MYOM1: variants seen among roughly 807,000 people sequenced by gnomAD.
The protein encoded by MYOM1 is myomesin-1.
A neutral mutation model predicts 205.3 loss-of-function variants in MYOM1; 164 were observed. The observed-to-expected ratio is 0.80, with a 90% CI of 0.70 to 0.91. The LOEUF (loss-of-function observed/expected upper bound fraction) is 0.91. Ranked by LOEUF, MYOM1 falls within the 40% of genes least tolerant of loss-of-function variation. The pLI is 0.00. For missense variants in MYOM1, 2,011 were observed against 2,127.3 expected (o/e 0.95, Z 1.08); for synonymous variants, 772 against 789.4 (o/e 0.98, Z 0.37).
chr18:3,174,144 C>T lies in MYOM1; in HGVS notation c.1087G>A (p.Ala363Thr). 1 of 1,614,046 alleles carries T rather than the reference C, an allele frequency of 6.2e-7. No individual in the cohort carries two copies. Among genetic ancestry groups the T allele is most frequent in the Non-Finnish European group, 8.5e-7 (1 of 1,179,902 alleles). ...SAMNVKGELS[A>T]YASVVVKRYK... ...CTTTTTACCACAACTGAAGCATATGCCGAAAGCTCTCCTTTAACATTCATC... is the reference window on the plus strand; with the variant it reads ...CTTTTTACCACAACTGAAGCATATGTCGAAAGCTCTCCTTTAACATTCATC... The change falls in exon 7 of 38, where the codon GCA (alanine) becomes ACA (threonine). Residue 363 changes from alanine (A) to threonine (T), a missense_variant. By Grantham distance (58) the Ala-to-Thr change is moderately conservative. Transcript: ENST00000356443.
At chr18:3,149,350 GTAGA>G in intron 12 of MYOM1, 149 bp from the exon 13 acceptor site, 1 of 620,852 alleles carries the variant, frequency 1.6e-6, no homozygotes, top group Non-Finnish European at 2.8e-6. Flanking sequence ...TATCAATCAT[GTAGA>G]GGGCACTGTG....
At position 3,148,903 on chromosome 18, in the gene MYOM1, A is replaced by G. The variant is rs372488354; in HGVS notation, c.1900+242T>C. On this transcript the variant is annotated intron_variant, in intron 13 of 37. Coordinates refer to ENST00000356443, the MANE Select transcript of MYOM1 (RefSeq NM_003803.4). Reference sequence around the variant, plus strand: ...TGGTGATGGTTTCATGGGTATATACATGTGTAAAATTTATCAAATTGTACA... The same window carrying G: ...TGGTGATGGTTTCATGGGTATATACGTGTGTAAAATTTATCAAATTGTACA... Among the ~76,000 whole-genome samples, 75 of 151,368 alleles carry G rather than the reference A, an allele frequency of 5.0e-4. 1 individual carries two copies. In the South Asian group the frequency reaches 0.014, roughly 28 times the overall value.
chr18:3,070,237 C>A (rs1174377947), intron 37 of MYOM1, among the ~76,000 whole-genome samples: 1 of 152,154 alleles, frequency 6.6e-6, no homozygotes, highest in African/African-American at 2.4e-5. Context: ...CAGCTTTGAC[C>A]TCCTGGGCTC....
rs1380869592 is a variant in MYOM1, at chr18:3,069,522, A to C, written c.4765-1967T>G. On this transcript the variant is annotated intron_variant, in intron 37 of 37. Transcript: ENST00000356443. ...TTAAGAAATCTGTTTTTCTCCCATC[A>C]CTAATTAATATTTCTTACTGAATTA... Among the ~76,000 whole-genome samples, 3 of 152,184 alleles carry C rather than the reference A, an allele frequency of 2.0e-5. No individual in the cohort carries two copies. In the East Asian group the frequency reaches 5.8e-4, roughly 29 times the overall value.
intron 5 of MYOM1, among the ~76,000 whole-genome samples, chr18:3,181,969 G>C (rs1166704440): frequency 6.6e-6 from 1 of 152,054 alleles, no homozygotes; most frequent in African/African-American, 2.4e-5. Flanking sequence ...CTGGACCTCA[G>C]GTAATCCGCC....
Position 3,126,578 on chromosome 18 carries a change from A to G in MYOM1, c.2991+123T>C, listed in dbSNP as rs28622195. The G allele has an allele frequency of 0.2, 163,319 of 833,030 alleles. 16,935 individuals carry two copies. Among genetic ancestry groups the G allele is most frequent in the African/African-American group, 0.23 (13,577 of 58,124 alleles). The allele number at this position is 833,030 out of a possible 1,614,324, so 51.6% of individuals were successfully genotyped here. A position where few individuals can be genotyped will look rare whatever the true frequency, so the allele number is the denominator to read the frequency against. On this transcript the variant is annotated intron_variant, in intron 19 of 37. Coordinates refer to ENST00000356443, the MANE Select transcript of MYOM1 (RefSeq NM_003803.4). ...TTTTTCACAAGACTCATGCCACTGC[A>G]GACAATGGACTCTGGAGAAATGACG...
chr18:3,137,222 T>G (rs1229344818), intron 14 of MYOM1, among the ~76,000 whole-genome samples: 1 of 152,224 alleles, frequency 6.6e-6, no homozygotes, highest in Non-Finnish European at 1.5e-5. Context: ...GTGCTGGGAT[T>G]ACAGGCGTGA....
chr18:3,141,939 C>A lies in MYOM1; in HGVS notation c.2025G>T (p.Lys675Asn). Reference sequence around the variant, plus strand: ...GGTCATGTTGATTCTAGAGTCTTACCTTTTCCACAAAGTACATAATGCCCT... The same window carrying A: ...GGTCATGTTGATTCTAGAGTCTTACATTTTCCACAAAGTACATAATGCCCT... ...GHEGIMYFVE[K>N]CEAGTENWQR... The change falls in exon 14 of 38, where the codon AAG becomes AAT. Residue 675 changes from lysine to asparagine, a missense_variant and splice_region_variant. Lys to Asn is a moderately conservative substitution (Grantham distance 94). Transcript: ENST00000356443. 6.2e-7 allele frequency: 1 copy of A among 1,613,614 alleles called. No individual in the cohort carries two copies. The highest frequency in any genetic ancestry group is 8.5e-7 in the Non-Finnish European group (1 of 1,179,732).
At chr18:3,072,350 CTTT>C (rs78331937) in intron 36 of MYOM1, among the ~76,000 whole-genome samples, 27 of 56,226 alleles carry the variant, frequency 4.8e-4, no homozygotes, top group African/African-American at 8.4e-4. Context: ...CCGCACCCGG[CTTT>C]TTTTTTTTTT....
chr18:3,208,612 C>T (rs189987939), intron 2 of MYOM1, among the ~76,000 whole-genome samples: 22 of 152,202 alleles, frequency 1.4e-4, no homozygotes, highest in Non-Finnish European at 3.1e-4. Context: ...GAACTTCTAC[C>T]GTTCAGGAAA....
chr18:3,230,731 G>A, the MYOM1 span, among the ~76,000 whole-genome samples: 1 of 152,208 alleles, frequency 6.6e-6, no homozygotes, highest in African/African-American at 2.4e-5. Context: ...TTAAACCCCG[G>A]AAAATTCCGT....
rs2081047082 is a variant in MYOM1 at position 3,200,168 on chromosome 18, G to GAAAAA, written c.291-6211_291-6210insTTTTT. ...TGGGCAACAGAGTGAGACTCCAGCTGAAAACAAAAACAAAAACAAAAACAA... is the reference window on the plus strand; with the variant it reads ...TGGGCAACAGAGTGAGACTCCAGCTGAAAAAAAAACAAAAACAAAAACAAAAACAA... On this transcript the variant is annotated intron_variant, in intron 2 of 37. Coordinates refer to ENST00000356443, the MANE Select transcript of MYOM1 (RefSeq NM_003803.4). 2.6e-5 allele frequency among the ~76,000 whole-genome samples: 4 copies of GAAAAA among 151,632 alleles called. No individual in the cohort carries two copies. In the South Asian group the frequency reaches 8.3e-4, roughly 32 times the overall value.
chr18:3,071,881 G>T lies in MYOM1; in HGVS notation c.4717C>A (p.Arg1573=). 1.9e-6 allele frequency: 3 copies of T among 1,604,652 alleles called. No individual in the cohort carries two copies. The highest frequency in any genetic ancestry group is 2.6e-6 in the Non-Finnish European group (3 of 1,175,580). The part of the protein sequence containing the change: ...QAAIAEKNRA[R]VLGGLPDVVT... ...ACGTCTGGGAGACCTCCCAACACCC[G>T]GGCACGATCTGCAAGCATAGGCATT... The change falls in exon 37 of 38, where the codon CGG becomes AGG. Residue 1573 remains arginine (R), a synonymous_variant. Coordinates refer to ENST00000356443, the MANE Select transcript of MYOM1 (RefSeq NM_003803.4).
At position 3,129,254 on chromosome 18, in the gene MYOM1, G is replaced by A; in HGVS notation, c.2772C>T (p.Pro924=). 6.2e-7 allele frequency: 1 copy of A among 1,613,506 alleles called. No individual in the cohort carries two copies. Among genetic ancestry groups the A allele is most frequent in the Non-Finnish European group, 8.5e-7 (1 of 1,179,708 alleles). ...CACCTCTGTCTGTCTTCTTTTTCAG[G>A]GGGTCAGACTTACTTTTCCCCTGAG... ...AAPQGKSKSD[P]LKKKTDRAPP... Residue 924 remains proline, a synonymous_variant, in exon 18 of 38, where the codon CCC becomes CCT. Coordinates refer to ENST00000356443, the MANE Select transcript of MYOM1 (RefSeq NM_003803.4).
chr18:3,096,500 G>A lies in MYOM1; in HGVS notation c.3728-2194C>T, dbSNP rs182375803. Reference sequence around the variant, plus strand: ...GTCTCACTCTGTCACCTAGGCAATGGCATGATCTCGGCTCACTGCAACCTC... The same window carrying A: ...GTCTCACTCTGTCACCTAGGCAATGACATGATCTCGGCTCACTGCAACCTC... On this transcript the variant is annotated intron_variant, in intron 25 of 37. Transcript: ENST00000356443. Among the ~76,000 whole-genome samples the A allele has an allele frequency of 5.4e-4, 81 of 151,086 alleles. 2 individuals carry two copies. The East Asian group carries it at 0.011, about 20-fold the overall frequency.
chr18:3,168,871 C>T lies in MYOM1; in HGVS notation c.1285G>A (p.Val429Ile), dbSNP rs1390310537. The T allele has an allele frequency of 1.2e-6, 2 of 1,613,756 alleles. No individual in the cohort carries two copies. The highest frequency in any genetic ancestry group is 1.7e-6 in the Non-Finnish European group (2 of 1,179,884). Residue 429 changes from valine (V) to isoleucine (I), a missense_variant, in exon 9 of 38, where the codon GTC (valine) becomes ATC (isoleucine). By Grantham distance (29) the Val-to-Ile change is conservative (BLOSUM62 3). Coordinates refer to ENST00000356443, the MANE Select transcript of MYOM1 (RefSeq NM_003803.4). ...GETMSLGCRVVITPEIKHFQP... is the reference protein window; with the variant it reads ...GETMSLGCRVIITPEIKHFQP... ...AAATGTTTAATTTCAGGAGTGATGACAACACGACAGCCTAGACTCATTGTC... is the reference window on the plus strand; with the variant it reads ...AAATGTTTAATTTCAGGAGTGATGATAACACGACAGCCTAGACTCATTGTC...
In MYOM1 at chr18:3,188,943, T is replaced by C. The variant is rs371608361; in HGVS notation, c.576A>G (p.Ala192=). The change falls in exon 4 of 38, where the codon GCA becomes GCG. Residue 192 remains alanine (A), a synonymous_variant. Coordinates refer to ENST00000356443, the MANE Select transcript of MYOM1 (RefSeq NM_003803.4). ...KQSTASKQTT[A]SKQSTASKQS... Reference sequence around the variant, plus strand: ...GCTTGGATGCCGTGGACTGCTTAGATGCCGTGGTCTGCTTGGATGCCGTGG... The same window carrying C: ...GCTTGGATGCCGTGGACTGCTTAGACGCCGTGGTCTGCTTGGATGCCGTGG... 6.9e-6 allele frequency: 11 copies of C among 1,600,742 alleles called. No individual in the cohort carries two copies. In the African/African-American group the frequency reaches 1.1e-4, roughly 16 times the overall value.
chr18:3,207,905 T>C (rs905498461), intron 2 of MYOM1, among the ~76,000 whole-genome samples: 3 of 152,196 alleles, frequency 2.0e-5, no homozygotes, highest in Non-Finnish European at 4.4e-5. Context: ...TCAACTTGAT[T>C]TAGGCTGCAT....
chr18:3,076,107 G>A (rs904064524), intron 34 of MYOM1, among the ~76,000 whole-genome samples: 3 of 152,144 alleles, frequency 2.0e-5, no homozygotes, highest in African/African-American at 7.2e-5. Context: ...GCTGTGCCCA[G>A]GCTGGAGTGC....
Sources: allele counts gnomAD v4.1 joint callset (sites outside exome capture counted in the v4.1 genomes callset), GRCh38; gene constraint gnomAD v4.1.1; transcripts MANE v1.5; gene names NCBI Gene and HGNC (gene_info 2026-07-23, HGNC 2026-07-21).